Variants in NPRL3 observed in about 807,000 individuals in gnomAD.
The protein encoded by NPRL3 is GATOR1 complex protein NPRL3.
In NPRL3, 23 loss-of-function variants were observed where a neutral mutation model predicts 57.2. That is an observed-to-expected ratio of 0.40 (90% CI 0.29 to 0.57). NPRL3 has a LOEUF of 0.57. Ranked by LOEUF, NPRL3 falls within the 20% of genes least tolerant of loss-of-function variation. The pLI, the probability that NPRL3 is intolerant of heterozygous loss-of-function variation, is 0.42. For missense variants in NPRL3, 691 were observed against 767.1 expected (o/e 0.90, Z 1.17); for synonymous variants, 333 against 321.1 (o/e 1.04, Z -0.39).
chr16:129,531 T>C (rs918921990), intron 3 of NPRL3, among the ~76,000 whole-genome samples: 1 of 152,080 alleles, frequency 6.6e-6, no homozygotes, highest in African/African-American at 2.4e-5. Context: ...GAACCACAAA[T>C]TGTGGTCAGG....
chr16:115,954 T>C (rs1175192054), intron 5 of NPRL3, among the ~76,000 whole-genome samples: 1 of 152,260 alleles, frequency 6.6e-6, no homozygotes, highest in Non-Finnish European at 1.5e-5. Flanking sequence ...TTAATTATTG[T>C]TATAAAAATC....
intron 3 of NPRL3, among the ~76,000 whole-genome samples, chr16:122,475 G>A (rs1049854098): frequency 4.6e-5 from 7 of 152,170 alleles, no homozygotes; most frequent in African/African-American, 1.7e-4. Flanking sequence ...TGGGGGTGGG[G>A]CAAAACTTAT....
At chr16:119,764 T>G (rs1340214452) in intron 3 of NPRL3, among the ~76,000 whole-genome samples, 1 of 152,190 alleles carries the variant, frequency 6.6e-6, no homozygotes, top group Non-Finnish European at 1.5e-5. Flanking sequence ...AGCGCTGACT[T>G]CCTTCCTCAT....
intron 2 of NPRL3, 21 bp downstream of exon 2, chr16:138,129 C>T (rs1166511980): frequency 6.4e-6 from 10 of 1,558,450 alleles, no homozygotes; most frequent in Non-Finnish European, 8.7e-6. Context: ...AGCGCCAGGC[C>T]CCCGCCCAGC....
At chr16:103,855 C>T (rs549408045) in intron 7 of NPRL3, among the ~76,000 whole-genome samples, 15 of 152,286 alleles carry the variant, frequency 9.8e-5, no homozygotes, top group African/African-American at 2.6e-4. Context: ...TGGCTCACAC[C>T]TGTAATCCCA....
chr16:111,292 C>T (rs1419592620), intron 6 of NPRL3, among the ~76,000 whole-genome samples: 3 of 151,600 alleles, frequency 2.0e-5, no homozygotes, highest in Non-Finnish European at 2.9e-5. Context: ...CCCAGCTACT[C>T]GGGAGGCTGA....
In NPRL3 at chr16:95,350, TACACACACACACACAC is replaced by T. The variant is rs142854412; in HGVS notation, c.925-2041_925-2026del. 1.1e-4 allele frequency among the ~76,000 whole-genome samples: 12 copies of T among 110,984 alleles called. No homozygotes were observed. In the South Asian group the frequency reaches 1.8e-3, roughly 17 times the overall value. The allele number at this position is 110,984 out of a possible 152,430, so 72.8% of individuals were successfully genotyped here. A position where few individuals can be genotyped will look rare whatever the true frequency, so the allele number is the denominator to read the frequency against. On this transcript the variant is annotated intron_variant, in intron 9 of 13. Transcript: ENST00000611875. ...GTATATATATATATATATATATATA[TACACACACACACACAC>T]ACACACACACACACACACAATAAAA...
intron 9 of NPRL3, among the ~76,000 whole-genome samples, chr16:95,348 T>TATATATATATAC (rs1555440551): frequency 2.2e-5 from 1 of 45,008 alleles, no homozygotes; most frequent in African/African-American, 4.9e-5. Flanking sequence ...TATATATATA[T>TATATATATATAC]ATACACACAC....
At chr16:116,789 C>CCG (rs1900052180) in intron 5 of NPRL3, among the ~76,000 whole-genome samples, 3 of 130,396 alleles carry the variant, frequency 2.3e-5, no homozygotes, top group South Asian at 6.0e-4. Flanking sequence ...ATGGCGAGAC[C>CCG]CCCCCCCCCC....
chr16:134,579 G>A (rs533375131), intron 2 of NPRL3, among the ~76,000 whole-genome samples: 36 of 151,720 alleles, frequency 2.4e-4, no homozygotes, highest in African/African-American at 8.7e-4. Context: ...CACTTGATGC[G>A]AAAGTTTACA....
rs34541011 is a variant in NPRL3, at chr16:93,564, GT to G, written c.925-240del. ...CACACAGCACTTTCTGTGAGCAATG[GT>G]TTTTTTTTTTTTTTTTTTGGAGACA... On this transcript the variant is annotated intron_variant, in intron 9 of 13. Coordinates refer to ENST00000611875, the MANE Select transcript of NPRL3 (RefSeq NM_001077350.3). Among the ~76,000 whole-genome samples, 333 of 135,434 alleles carry G rather than the reference GT, an allele frequency of 2.5e-3. 1 individual carries two copies. The highest frequency in any genetic ancestry group is 0.013 in the South Asian group (54 of 4,162). 88.8% of individuals were successfully genotyped at this position (135,434 alleles called of 152,430 possible).
intron 6 of NPRL3, among the ~76,000 whole-genome samples, chr16:110,869 A>T (rs996247663): frequency 3.9e-5 from 6 of 152,012 alleles, no homozygotes; most frequent in East Asian, 3.9e-4. Flanking sequence ...TAATTTTAAA[A>T]TTTTTTGTCT....
At position 86,357 on chromosome 16, in the gene NPRL3, CAGA is replaced by C. The variant is rs1270001821; in HGVS notation, c.*345_*347del. 1.9e-5 allele frequency: 5 copies of C among 263,966 alleles called. No homozygotes were observed. Among genetic ancestry groups the C allele is most frequent in the Non-Finnish European group, 3.7e-5 (5 of 135,714 alleles). The allele number at this position is 263,966 out of a possible 1,614,324, so 16.4% of individuals were successfully genotyped here. A position where few individuals can be genotyped will look rare whatever the true frequency, so the allele number is the denominator to read the frequency against. ...GGGGTCCAAGGAGCAGGTGTAGGGA[CAGA>C]AGGAGGGTCTGAGAAACGCACAGCC... On this transcript the variant is annotated 3_prime_UTR_variant, in exon 14 of 14. Transcript: ENST00000611875.
chr16:108,399 G>A (rs1899626462), intron 7 of NPRL3, among the ~76,000 whole-genome samples: 1 of 152,098 alleles, frequency 6.6e-6, no homozygotes, highest in South Asian at 2.1e-4. Flanking sequence ...GGGGGAAGAG[G>A]CATCTCGTGT....
intron 8 of NPRL3, among the ~76,000 whole-genome samples, chr16:99,540 G>A (rs536740565): frequency 1.3e-5 from 2 of 151,718 alleles, no homozygotes; most frequent in African/African-American, 4.8e-5. Context: ...CTACTCAGGG[G>A]GCTGAGGCAG....
intron 8 of NPRL3, 22 bp downstream of exon 8, chr16:100,350 G>C: frequency 6.8e-7 from 1 of 1,480,164 alleles, no homozygotes; most frequent in South Asian, 1.4e-5. Context: ...CAGGGAGTGA[G>C]CACGTGGGGC....
At chr16:129,304 G>A (rs1256061525) in intron 3 of NPRL3, among the ~76,000 whole-genome samples, 1 of 152,110 alleles carries the variant, frequency 6.6e-6, no homozygotes, top group East Asian at 1.9e-4. Flanking sequence ...ACTGTGCAGG[G>A]GCAAAAGCAT....
At chr16:130,494 C>A in intron 3 of NPRL3, 28 bp downstream of exon 3, 1 of 1,544,276 alleles carries the variant, frequency 6.5e-7, no homozygotes, top group Non-Finnish European at 8.7e-7. Flanking sequence ...GGACACGCCC[C>A]GCCCTGAAGT....
In NPRL3 at chr16:85,506, TC is replaced by T; in HGVS notation, c.*1198del. On this transcript the variant is annotated 3_prime_UTR_variant, in exon 14 of 14. Coordinates refer to ENST00000611875, the MANE Select transcript of NPRL3 (RefSeq NM_001077350.3). ...CGGAAAGGCACCGCCAGCCGTGTCC[TC>T]AAGGACCGCGAGCTCTGCAGTGGCC... The T allele has an allele frequency of 1.9e-6, 3 of 1,613,360 alleles. No homozygotes were observed. The highest frequency in any genetic ancestry group is 2.5e-6 in the Non-Finnish European group (3 of 1,180,034).
Sources: allele counts gnomAD v4.1 joint callset (sites outside exome capture counted in the v4.1 genomes callset), GRCh38; gene constraint gnomAD v4.1.1; transcripts MANE v1.5; gene names NCBI Gene and HGNC (gene_info 2026-07-23, HGNC 2026-07-21).